ZNF804A: variants seen among roughly 807,000 people sequenced by gnomAD.
The protein encoded by ZNF804A is zinc finger protein 804A.
A neutral mutation model predicts 16.5 loss-of-function variants in ZNF804A; 2 were observed. The ratio of observed to expected loss-of-function variants is 0.12; its 90% CI spans 0.05 to 0.38. The LOEUF is 0.38. ZNF804A is among the 10% of genes least tolerant of loss of function. The pLI, the probability that ZNF804A is intolerant of heterozygous loss-of-function variation, is 0.99. For missense variants in ZNF804A, 1,473 were observed against 1,390.7 expected (o/e 1.06, Z -0.94); for synonymous variants, 534 against 489.6 (o/e 1.09, Z -1.20).
At chr2:184,870,888 G>C (rs960142602) in intron 2 of ZNF804A, among the ~76,000 whole-genome samples, 1 of 151,770 alleles carries the variant, frequency 6.6e-6, no homozygotes, top group Non-Finnish European at 1.5e-5. Flanking sequence ...TAATGCTACT[G>C]ATGATAATAA....
intron 1 of ZNF804A, among the ~76,000 whole-genome samples, chr2:184,612,853 G>A (rs914645341): frequency 6.6e-6 from 1 of 152,152 alleles, no homozygotes; most frequent in Non-Finnish European, 1.5e-5. Flanking sequence ...CCACATTGAA[G>A]ACAATCTATT....
chr2:184,759,435 C>T (rs947201596), intron 1 of ZNF804A, among the ~76,000 whole-genome samples: 5 of 151,540 alleles, frequency 3.3e-5, no homozygotes, highest in Non-Finnish European at 7.4e-5. Flanking sequence ...GAAGAGTAAA[C>T]AGATAAATTG....
chr2:184,727,046 T>C lies in ZNF804A; in HGVS notation c.111+127976T>C, dbSNP rs147269711. Among the ~76,000 whole-genome samples the C allele has an allele frequency of 3.4e-4, 51 of 151,754 alleles. 1 individual carries two copies. In the East Asian group the frequency reaches 9.7e-3, roughly 29 times the overall value. ...ATTTAACCAAAGTAAACCTTATCTA[T>C]AAGCAAAATAACACATAAAACATAA... On this transcript the variant is annotated intron_variant, in intron 1 of 3. Coordinates refer to ENST00000302277, the MANE Select transcript of ZNF804A (RefSeq NM_194250.2).
intron 1 of ZNF804A, among the ~76,000 whole-genome samples, chr2:184,602,641 A>G (rs909092316): frequency 5.9e-5 from 9 of 152,052 alleles, no homozygotes. Context: ...TCACTTTAAT[A>G]TGTAATTTGG....
intron 1 of ZNF804A, among the ~76,000 whole-genome samples, chr2:184,711,073 A>G (rs903528170): frequency 2.0e-5 from 3 of 151,722 alleles, no homozygotes; most frequent in Non-Finnish European, 3.0e-5. Context: ...GTTTTGAGAG[A>G]TGTGACTATT....
At chr2:184,629,828 A>G (rs913765040) in intron 1 of ZNF804A, among the ~76,000 whole-genome samples, 4 of 152,284 alleles carry the variant, frequency 2.6e-5, no homozygotes, top group African/African-American at 7.2e-5. Context: ...AAAGAAGACT[A>G]TGACAGGGTA....
intron 1 of ZNF804A, among the ~76,000 whole-genome samples, chr2:184,816,009 AT>A (rs1694977199): frequency 6.6e-6 from 1 of 152,066 alleles, no homozygotes; most frequent in Non-Finnish European, 1.5e-5. Flanking sequence ...GGTACAGTAC[AT>A]AAGCTGTCAT....
In ZNF804A at chr2:184,617,354, G is replaced by A. The variant is rs533836431; in HGVS notation, c.111+18284G>A. Among the ~76,000 whole-genome samples the A allele has an allele frequency of 1.2e-4, 19 of 152,054 alleles. No individual in the cohort carries two copies. In the East Asian group the frequency reaches 2.9e-3, roughly 23 times the overall value. On this transcript the variant is annotated intron_variant, in intron 1 of 3. Coordinates refer to ENST00000302277, the MANE Select transcript of ZNF804A (RefSeq NM_194250.2). Reference sequence around the variant, plus strand: ...TTCATAGTATTCAATAATTTACAATGTATGCTGTTTTTTAAAACCATTGTG... The same window carrying A: ...TTCATAGTATTCAATAATTTACAATATATGCTGTTTTTTAAAACCATTGTG...
intron 1 of ZNF804A, among the ~76,000 whole-genome samples, chr2:184,860,392 T>G (rs72905785): frequency 0.05 from 7,668 of 152,308 alleles, 255 homozygotes; most frequent in Middle Eastern, 0.078. Context: ...AGGGCAGACT[T>G]GAAGTCTAGG....
chr2:184,623,024 T>C (rs1447401488), intron 1 of ZNF804A, among the ~76,000 whole-genome samples: 1 of 152,062 alleles, frequency 6.6e-6, no homozygotes, highest in Non-Finnish European at 1.5e-5. Flanking sequence ...ATTCCCTTTA[T>C]TTGCTGGAAA....
chr2:184,906,673 C>T (rs1251618094), intron 2 of ZNF804A, among the ~76,000 whole-genome samples: 1 of 151,978 alleles, frequency 6.6e-6, no homozygotes, highest in Non-Finnish European at 1.5e-5. Flanking sequence ...ATCAAGATTA[C>T]CAGTACCCCT....
At chr2:184,694,267 C>A (rs1166704092) in intron 1 of ZNF804A, among the ~76,000 whole-genome samples, 1 of 151,756 alleles carries the variant, frequency 6.6e-6, no homozygotes, top group Non-Finnish European at 1.5e-5. Flanking sequence ...ATTAGAGTTC[C>A]TAAAGTAACA....
At chr2:184,889,278 A>G (rs1199479209) in intron 2 of ZNF804A, among the ~76,000 whole-genome samples, 1 of 151,968 alleles carries the variant, frequency 6.6e-6, no homozygotes, top group Non-Finnish European at 1.5e-5. Flanking sequence ...TCTGAAAATG[A>G]ATATGAAATA....
At chr2:184,646,004 T>A (rs1311901366) in intron 1 of ZNF804A, among the ~76,000 whole-genome samples, 1 of 152,066 alleles carries the variant, frequency 6.6e-6, no homozygotes, top group Non-Finnish European at 1.5e-5. Flanking sequence ...AGTGAACTTG[T>A]GAGAAACTTG....
At chr2:184,910,403 T>C (rs540315547) in intron 2 of ZNF804A, among the ~76,000 whole-genome samples, 1 of 152,188 alleles carries the variant, frequency 6.6e-6, no homozygotes, top group South Asian at 2.1e-4. Context: ...ATTCCACATC[T>C]TTGCTATTGT....
At chr2:184,716,529 A>G (rs141739403) in intron 1 of ZNF804A, among the ~76,000 whole-genome samples, 14 of 152,292 alleles carry the variant, frequency 9.2e-5, no homozygotes, top group African/African-American at 3.4e-4. Flanking sequence ...GTAACTCCTG[A>G]TGGCAGTAAT....
intron 1 of ZNF804A, among the ~76,000 whole-genome samples, chr2:184,761,357 C>A (rs1299226001): frequency 6.6e-6 from 1 of 152,014 alleles, no homozygotes; most frequent in Non-Finnish European, 1.5e-5. Context: ...CTTTGAATTT[C>A]AGGATAAATT....
At chr2:184,916,687 A>C (rs1685455433) in intron 2 of ZNF804A, among the ~76,000 whole-genome samples, 1 of 152,106 alleles carries the variant, frequency 6.6e-6, no homozygotes, top group Non-Finnish European at 1.5e-5. Flanking sequence ...GTCTCTATTG[A>C]AAATACAAAA....
intron 1 of ZNF804A, among the ~76,000 whole-genome samples, chr2:184,672,877 G>A (rs1692358205): frequency 6.6e-6 from 1 of 152,112 alleles, no homozygotes; most frequent in African/African-American, 2.4e-5. Flanking sequence ...AAGTAGCTGG[G>A]ACTACAGGCA....
Sources: gnomAD v4.1 joint callset for allele counts (sites outside exome capture counted in the v4.1 genomes callset) on GRCh38, gnomAD v4.1.1 for gene constraint, MANE v1.5 for transcripts, NCBI Gene and HGNC (gene_info 2026-07-23, HGNC 2026-07-21) for gene names.